Variants in PRUNE2 observed in about 807,000 individuals in gnomAD.
The protein encoded by PRUNE2 is protein prune homolog 2.
A neutral mutation model predicts 252.0 loss-of-function variants in PRUNE2; 164 were observed. That is an observed-to-expected ratio of 0.65 (90% CI 0.57 to 0.74). PRUNE2 has a LOEUF of 0.74. Among genes scored for constraint, PRUNE2 ranks in the 30% least tolerant of loss-of-function variants. PRUNE2 has a pLI of 0.00. For missense variants in PRUNE2, 3,495 were observed against 3,711.0 expected (o/e 0.94, Z 1.51); for synonymous variants, 1,292 against 1,350.2 (o/e 0.96, Z 0.94).
At chr9:76,834,973 A>G (rs2058875191) in intron 4 of PRUNE2, among the ~76,000 whole-genome samples, 1 of 152,226 alleles carries the variant, frequency 6.6e-6, no homozygotes, top group Non-Finnish European at 1.5e-5. Context: ...AATGAAAGAA[A>G]TACTGAAATC....
intron 2 of PRUNE2, among the ~76,000 whole-genome samples, chr9:76,852,818 ATCTATCTATCTATCT>A (rs2060038490): frequency 5.2e-5 from 2 of 38,614 alleles, no homozygotes; most frequent in African/African-American, 6.2e-4. Context: ...CTATCTATCT[ATCTATCTATCTATCT>A]ATCTATCTAT....
chr9:76,810,217 A>G (rs983905964), intron 6 of PRUNE2, among the ~76,000 whole-genome samples: 1 of 152,218 alleles, frequency 6.6e-6, no homozygotes, highest in Non-Finnish European at 1.5e-5. Flanking sequence ...GTCATGAACC[A>G]CCTTTTCTAG....
At chr9:76,898,942 G>A in intron 1 of PRUNE2, among the ~76,000 whole-genome samples, 1 of 152,216 alleles carries the variant, frequency 6.6e-6, no homozygotes, top group East Asian at 1.9e-4. Flanking sequence ...AGTCCCACTA[G>A]TTGGACGAGA....
intron 15 of PRUNE2, among the ~76,000 whole-genome samples, chr9:76,631,899 G>A (rs1292445926): frequency 1.3e-5 from 2 of 152,102 alleles, no homozygotes; most frequent in African/African-American, 4.8e-5. Context: ...GAGAACATGC[G>A]GTATTTGGTT....
chr9:76,788,633 T>C (rs2055260083), intron 6 of PRUNE2: 4 of 617,680 alleles, frequency 6.5e-6, no homozygotes, highest in Admixed American at 2.7e-5. Context: ...ACTTAAACAT[T>C]TGAAATTTGT....
At chr9:76,751,802 T>C (rs985579450) in intron 6 of PRUNE2, among the ~76,000 whole-genome samples, 1 of 152,232 alleles carries the variant, frequency 6.6e-6, no homozygotes, top group Non-Finnish European at 1.5e-5. Context: ...CTATTTAGAT[T>C]ACATTCTTTA....
In PRUNE2 at chr9:76,710,925, C is replaced by T; in HGVS notation, c.1349G>A (p.Ser450Asn). The change falls in exon 8 of 19, where the codon AGC (serine) becomes AAC (asparagine). Residue 450 changes from serine to asparagine, a missense_variant. Coordinates refer to ENST00000376718, the MANE Select transcript of PRUNE2 (RefSeq NM_015225.3). ...AGGCCCAGCACCTTCTCCCACGGGG[C>T]TGTCGTCACTGAGGAAAACAGAGCT... is the stretch of plus-strand genomic sequence containing the variant. ...KESSVFLSDD[S>N]PVGEGAGPHH... 1 of 1,566,574 alleles carries T rather than the reference C, an allele frequency of 6.4e-7. No individual in the cohort carries two copies. Among genetic ancestry groups the T allele is most frequent in the South Asian group, 1.2e-5 (1 of 82,004 alleles).
At chr9:76,678,349 C>CAAAAAAAA (rs58096428) in intron 9 of PRUNE2, among the ~76,000 whole-genome samples, 1 of 83,116 alleles carries the variant, frequency 1.2e-5, no homozygotes, top group African/African-American at 6.2e-5. Context: ...GAGACTCCAT[C>CAAAAAAAA]AAAAAAAAAA....
intron 4 of PRUNE2, among the ~76,000 whole-genome samples, chr9:76,845,779 C>T (rs1023210396): frequency 6.6e-6 from 1 of 152,048 alleles, no homozygotes; most frequent in African/African-American, 2.4e-5. Flanking sequence ...ATTGGTGGTG[C>T]GGGGAGGGAA....
intron 1 of PRUNE2, among the ~76,000 whole-genome samples, chr9:76,863,667 AT>A (rs1317941532): frequency 3.3e-5 from 5 of 152,290 alleles, no homozygotes; most frequent in Middle Eastern, 3.4e-3. Context: ...TCTGTACAAT[AT>A]TTTCCCCAAT....
At chr9:76,879,899 ATATATTTTTTTTTTT>A (rs1487748905) in intron 1 of PRUNE2, among the ~76,000 whole-genome samples, 50 of 76,004 alleles carry the variant, frequency 6.6e-4, no homozygotes, top group Admixed American at 1.1e-3. Flanking sequence ...ATATATATAT[ATATATTTTTTTTTTT>A]TTTTTTTTTT....
chr9:76,904,154 C>A (rs1035840025), intron 1 of PRUNE2, among the ~76,000 whole-genome samples: 1 of 151,610 alleles, frequency 6.6e-6, no homozygotes, highest in Non-Finnish European at 1.5e-5. Context: ...TTCCAAGAAA[C>A]GATAAAATTA....
chr9:76,768,806 ATGG>A (rs1327502174), intron 6 of PRUNE2, among the ~76,000 whole-genome samples: 1 of 152,192 alleles, frequency 6.6e-6, no homozygotes, highest in Non-Finnish European at 1.5e-5. Context: ...GGACATTTGC[ATGG>A]TATGAGACTC....
chr9:76,713,806 T>C, intron 6 of PRUNE2, 85 bp from the exon 7 acceptor site: 1 of 924,348 alleles, frequency 1.1e-6, no homozygotes, highest in Non-Finnish European at 1.6e-6. Context: ...AGTCTTATGA[T>C]GTATTTAGGA....
At chr9:76,824,649 C>T (rs891440315) in intron 5 of PRUNE2, among the ~76,000 whole-genome samples, 7 of 152,142 alleles carry the variant, frequency 4.6e-5, no homozygotes, top group African/African-American at 1.4e-4. Flanking sequence ...TCTCGCGCTA[C>T]ATTATTACGT....
At chr9:76,771,816 C>T (rs1309167916) in intron 6 of PRUNE2, among the ~76,000 whole-genome samples, 2 of 152,272 alleles carry the variant, frequency 1.3e-5, no homozygotes, top group South Asian at 2.1e-4. Flanking sequence ...CCGTGTACTG[C>T]CCACAAAAGC....
intron 18 of PRUNE2, 76 bp downstream of exon 18, chr9:76,619,264 A>G: frequency 1.1e-6 from 1 of 940,172 alleles, no homozygotes. Context: ...CCCAGTCCTC[A>G]GTGTGTTTTC....
At chr9:76,642,345 T>C (rs2132842464) in intron 12 of PRUNE2, among the ~76,000 whole-genome samples, 1 of 152,318 alleles carries the variant, frequency 6.6e-6, no homozygotes, top group Admixed American at 6.5e-5. Flanking sequence ...TTGAGCCCCA[T>C]TCTTCTACAT....
intron 1 of PRUNE2, among the ~76,000 whole-genome samples, chr9:76,880,676 A>G (rs114011352): frequency 0.013 from 1,949 of 152,338 alleles, 42 homozygotes; most frequent in African/African-American, 0.044. Context: ...AAGTACGCAT[A>G]AAGCATGTCT....
Sources: gnomAD v4.1 joint callset for allele counts (sites outside exome capture counted in the v4.1 genomes callset) on GRCh38, gnomAD v4.1.1 for gene constraint, MANE v1.5 for transcripts, NCBI Gene and HGNC (gene_info 2026-07-23, HGNC 2026-07-21) for gene names.